Variants in ADCY9 observed in about 807,000 individuals in gnomAD.
ADCY9 encodes the protein adenylate cyclase 9, also known as adenylate cyclase type 9.
In ADCY9, 50 loss-of-function variants were observed where a neutral mutation model predicts 101.5. The ratio of observed to expected loss-of-function variants is 0.49; its 90% CI spans 0.39 to 0.62. The LOEUF is 0.62. Among genes scored for constraint, ADCY9 ranks in the 20% least tolerant of loss-of-function variants. The probability of loss-of-function intolerance (pLI) is 0.00; values close to 1 mark genes in which losing one functional copy is unlikely to be tolerated. For synonymous variants in ADCY9, 905 were observed against 769.3 expected (o/e 1.18, Z -2.92); for missense variants, 1,662 against 1,800.4 (o/e 0.92, Z 1.39).
At chr16:3,988,464 G>A in intron 6 of ADCY9, among the ~76,000 whole-genome samples, 1 of 136,042 alleles carries the variant, frequency 7.4e-6, no homozygotes, top group Non-Finnish European at 1.7e-5. Flanking sequence ...TTCCCTTCCA[G>A]GGCAGGTGTG....
rs1597150930 is a variant in ADCY9, at chr16:3,992,523, C to T, written c.1990-160G>A. On this transcript the variant is annotated intron_variant, in intron 4 of 10. Transcript: ENST00000294016. The surrounding 1 kb of genome is among the most constrained non-coding windows in gnomAD (Gnocchi z 4.2). Reference sequence around the variant, plus strand: ...ACCCCCACCCCCCTGCGCCTACAGACCTGCTCCAATCCCAGCCCTGACTGC... The same window carrying T: ...ACCCCCACCCCCCTGCGCCTACAGATCTGCTCCAATCCCAGCCCTGACTGC... Among the ~76,000 whole-genome samples the T allele has an allele frequency of 6.6e-6, 1 of 152,188 alleles. No individual in the cohort carries two copies. Among genetic ancestry groups the T allele is most frequent in the East Asian group, 1.9e-4 (1 of 5,192 alleles).
At chr16:4,058,718 C>T (rs925535474) in intron 2 of ADCY9, among the ~76,000 whole-genome samples, 2 of 152,090 alleles carry the variant, frequency 1.3e-5, no homozygotes, top group African/African-American at 4.8e-5. Flanking sequence ...ACCCAGCAGG[C>T]AAGATGCTGC....
intron 2 of ADCY9, among the ~76,000 whole-genome samples, chr16:4,011,152 CA>C (rs1027819636): frequency 3.3e-5 from 5 of 152,068 alleles, no homozygotes; most frequent in Non-Finnish European, 5.9e-5. Context: ...CAAACCAGGC[CA>C]GGGGCGGGGG....
At chr16:4,106,525 T>A (rs796168040) in intron 2 of ADCY9, among the ~76,000 whole-genome samples, 23 of 152,288 alleles carry the variant, frequency 1.5e-4, no homozygotes, top group African/African-American at 5.5e-4. Context: ...TCTTGAGGTG[T>A]GTCACAGGCA....
intron 2 of ADCY9, among the ~76,000 whole-genome samples, chr16:4,042,186 G>T (rs1003814827): frequency 3.3e-5 from 5 of 152,058 alleles, no homozygotes; most frequent in Admixed American, 6.6e-5. Flanking sequence ...GCCTCCGAAA[G>T]TGCTGGGATT....
intron 2 of ADCY9, among the ~76,000 whole-genome samples, chr16:4,045,140 C>CTTTTG (rs142706500): frequency 0.053 from 8,103 of 152,132 alleles, 755 homozygotes; most frequent in African/African-American, 0.19. Flanking sequence ...TTTAGAGCCT[C>CTTTTG]TTTTGTTTTT....
downstream of ADCY9, among the ~76,000 whole-genome samples, chr16:3,958,669 G>T (rs1203710033): frequency 4.2e-5 from 3 of 72,084 alleles, no homozygotes; most frequent in Admixed American, 1.3e-4. Flanking sequence ...TTTCTCGTCG[G>T]TTACTTTTTT....
chr16:4,004,589 A>C (rs571522252), intron 3 of ADCY9, among the ~76,000 whole-genome samples: 2 of 152,372 alleles, frequency 1.3e-5, no homozygotes, highest in South Asian at 4.1e-4. Context: ...AGAATTAAAA[A>C]GCCAAAAAGA....
intron 2 of ADCY9, among the ~76,000 whole-genome samples, chr16:4,019,537 C>A (rs2056460921): frequency 6.6e-6 from 1 of 152,214 alleles, no homozygotes; most frequent in Admixed American, 6.5e-5. Context: ...GGTCCCCGGC[C>A]ATCAACAAAC....
intron 2 of ADCY9, among the ~76,000 whole-genome samples, chr16:4,043,564 C>T (rs1431549888): frequency 6.6e-6 from 1 of 151,480 alleles, no homozygotes; most frequent in African/African-American, 2.4e-5. Context: ...ATCTCAGCTG[C>T]CCGTAATCTC....
intron 2 of ADCY9, among the ~76,000 whole-genome samples, chr16:4,020,648 C>G (rs1478369681): frequency 6.6e-6 from 1 of 151,830 alleles, no homozygotes; most frequent in Non-Finnish European, 1.5e-5. Context: ...AAGGTGAAAA[C>G]CCCTCTCTAC....
At chr16:4,056,972 T>C (rs1365115640) in intron 2 of ADCY9, among the ~76,000 whole-genome samples, 2 of 147,052 alleles carry the variant, frequency 1.4e-5, no homozygotes, top group Admixed American at 7.1e-5. Flanking sequence ...CCATGACACA[T>C]GGCGAGTCCT....
intron 6 of ADCY9, among the ~76,000 whole-genome samples, chr16:3,987,181 T>G (rs765568425): frequency 6.6e-6 from 1 of 152,218 alleles, no homozygotes; most frequent in Non-Finnish European, 1.5e-5. Flanking sequence ...CAGCCTGGGC[T>G]TGGTGCCTCG....
chr16:3,978,051 C>T (rs896392851), intron 8 of ADCY9, among the ~76,000 whole-genome samples: 9 of 152,144 alleles, frequency 5.9e-5, no homozygotes, highest in Admixed American at 1.3e-4. Flanking sequence ...AAAAATATCA[C>T]CGATACCAGC....
In ADCY9 at chr16:3,992,947, C is replaced by A. The variant is rs139601049; in HGVS notation, c.1989+459G>T. ...ATGAGCCCCCGCCGACAGGCTCTCG[C>A]GGGTGGGCTGAGTCCTGGCCCTGGT... is the stretch of plus-strand genomic sequence containing the variant. On this transcript the variant is annotated intron_variant, in intron 4 of 10. Coordinates refer to ENST00000294016, the MANE Select transcript of ADCY9 (RefSeq NM_001116.4). The surrounding 1 kb of genome is among the most constrained non-coding windows in gnomAD (Gnocchi z 4.2). 0.01 allele frequency among the ~76,000 whole-genome samples: 1,580 copies of A among 152,226 alleles called. 13 individuals are homozygous for A. The highest frequency in any genetic ancestry group is 0.02 in the Middle Eastern group (6 of 294).
At chr16:3,969,060 G>A (rs929542015) in intron 10 of ADCY9, among the ~76,000 whole-genome samples, 1 of 151,932 alleles carries the variant, frequency 6.6e-6, no homozygotes, top group African/African-American at 2.4e-5. Flanking sequence ...TCGTGACCTC[G>A]TGATCCACCC....
chr16:4,072,659 A>G (rs1475446545), intron 2 of ADCY9, among the ~76,000 whole-genome samples: 11 of 152,210 alleles, frequency 7.2e-5, no homozygotes, highest in Non-Finnish European at 1.5e-4. Flanking sequence ...ATAGAAGGAA[A>G]TATTTGAAGA....
rs555403915 is a variant in ADCY9 at position 4,023,571 on chromosome 16, G to A, written c.1694-16013C>T. ...ATGCAGACTGAGGGAAGAAAGTGTG[G>A]CATGAGAGGAGGCTGGGGAGGTGGG... On this transcript the variant is annotated intron_variant, in intron 2 of 10. Coordinates refer to ENST00000294016, the MANE Select transcript of ADCY9 (RefSeq NM_001116.4). Among the ~76,000 whole-genome samples, 13 of 152,260 alleles carry A rather than the reference G, an allele frequency of 8.5e-5. No individual in the cohort carries two copies. In the South Asian group the frequency reaches 2.7e-3, roughly 32 times the overall value.
At chr16:3,984,501 C>T (rs1305572808) in intron 6 of ADCY9, among the ~76,000 whole-genome samples, 1 of 152,150 alleles carries the variant, frequency 6.6e-6, no homozygotes, top group Non-Finnish European at 1.5e-5. Context: ...CATTGACGCT[C>T]ACGGCACCCC....
Sources: gnomAD v4.1 joint callset for allele counts (sites outside exome capture counted in the v4.1 genomes callset) on GRCh38, gnomAD v4.1.1 for gene constraint, Gnocchi (gnomAD v3.1) non-coding constraint, MANE v1.5 for transcripts, NCBI Gene and HGNC (gene_info 2026-07-23, HGNC 2026-07-21) for gene names.